KIF13B: variants seen among roughly 807,000 people sequenced by gnomAD.
KIF13B encodes the protein kinesin-like protein KIF13B.
In KIF13B, 127 loss-of-function variants were observed where a neutral mutation model predicts 222.0. That is an observed-to-expected ratio of 0.57 (90% CI 0.50 to 0.66). The LOEUF (loss-of-function observed/expected upper bound fraction) is 0.66, where lower values mean the gene tolerates loss of function less well. Among genes scored for constraint, KIF13B ranks in the 30% least tolerant of loss-of-function variants. The probability of loss-of-function intolerance (pLI) is 0.00; values close to 1 mark genes in which losing one functional copy is unlikely to be tolerated. For missense variants in KIF13B, 2,173 were observed against 2,379.0 expected (o/e 0.91, Z 1.80); for synonymous variants, 976 against 919.0 (o/e 1.06, Z -1.12).
intron 2 of KIF13B, among the ~76,000 whole-genome samples, chr8:29,202,769 A>AG (rs1813753445): frequency 6.6e-6 from 1 of 152,138 alleles, no homozygotes; most frequent in African/African-American, 2.4e-5. Flanking sequence ...CAATAAGAAA[A>AG]GGAGCAGTGA....
intron 38 of KIF13B, 45 bp downstream of exon 38, chr8:29,075,236 T>C: frequency 6.6e-7 from 1 of 1,509,120 alleles, no homozygotes; most frequent in South Asian, 1.2e-5. Flanking sequence ...CAGGGCCACC[T>C]GCTCGCTGTA....
chr8:29,147,484 C>T lies in KIF13B; in HGVS notation c.1932G>A (p.Leu644=), dbSNP rs747917323. Residue 644 remains leucine (L), a synonymous_variant, in exon 17 of 40, where the codon CTG becomes CTA. Transcript: ENST00000524189. ...EHELEQLRRR[L]SPEKQNCRSM... is the part of the protein sequence containing the mutation. ...TCCGGCAGTTCTGCTTCTCAGGAGA[C>T]AGCCTTCTCCGGAGCTGCTCCAATT... 6 of 1,613,348 alleles carry T rather than the reference C, an allele frequency of 3.7e-6. No homozygotes were observed. The highest frequency in any genetic ancestry group is 5.1e-6 in the Non-Finnish European group (6 of 1,179,712).
intron 13 of KIF13B, among the ~76,000 whole-genome samples, chr8:29,156,777 T>A (rs1444476052): frequency 6.6e-6 from 1 of 150,964 alleles, no homozygotes; most frequent in Non-Finnish European, 1.5e-5. Context: ...CACTTCACCC[T>A]CCTGAAGTAC....
chr8:29,142,765 G>C (rs958163724), intron 18 of KIF13B, among the ~76,000 whole-genome samples: 1 of 152,126 alleles, frequency 6.6e-6, no homozygotes, highest in Non-Finnish European at 1.5e-5. Context: ...CTTGAACCCA[G>C]GAGGCAGAGG....
At chr8:29,186,265 A>T (rs1158229370) in intron 6 of KIF13B, 27 bp downstream of exon 6, 1 of 1,571,644 alleles carries the variant, frequency 6.4e-7, no homozygotes, top group South Asian at 1.2e-5. Flanking sequence ...CACAATGCTG[A>T]AACACTAAAG....
At chr8:29,260,734 A>C (rs1010128885) in intron 1 of KIF13B, among the ~76,000 whole-genome samples, 1 of 151,872 alleles carries the variant, frequency 6.6e-6, no homozygotes, top group Non-Finnish European at 1.5e-5. Context: ...CTCCCGCCTC[A>C]GCCTCCTTAG....
At chr8:29,091,490 A>T (rs1448819255) in intron 37 of KIF13B, among the ~76,000 whole-genome samples, 1 of 152,246 alleles carries the variant, frequency 6.6e-6, no homozygotes. Context: ...ATCACCACAG[A>T]CAGGCACTTA....
Position 29,071,631 on chromosome 8 carries a change from T to C in KIF13B, c.5207A>G (p.Asp1736Gly). Reference sequence around the variant, plus strand: ...TGCCCGGTACCCACCTGAGGGCAGGTCGAGCTCCACGCCGACCCACGTGCC... The same window carrying C: ...TGCCCGGTACCCACCTGAGGGCAGGCCGAGCTCCACGCCGACCCACGTGCC... ...QEGTWVGVELDLPSGKNDGSI... is the reference protein window; with the variant it reads ...QEGTWVGVELGLPSGKNDGSI... Residue 1736 changes from aspartate to glycine, a missense_variant, in exon 39 of 40, where the codon GAC (aspartate) becomes GGC (glycine). Physicochemically the swap from Asp to Gly is moderately conservative, Grantham distance 94. Transcript: ENST00000524189. The surrounding 1 kb of genome is among the most constrained non-coding windows in gnomAD (Gnocchi z 4.9). 6.4e-7 allele frequency: 1 copy of C among 1,552,392 alleles called. No homozygotes were observed. Among genetic ancestry groups the C allele is most frequent in the Non-Finnish European group, 8.7e-7 (1 of 1,148,770 alleles).
intron 2 of KIF13B, among the ~76,000 whole-genome samples, chr8:29,221,366 A>T (rs1208568633): frequency 2.7e-5 from 4 of 149,516 alleles, no homozygotes; most frequent in African/African-American, 9.8e-5. Context: ...GCCTCCCAAA[A>T]TGCTGGGATT....
rs369825531 is a variant in KIF13B at position 29,259,391 on chromosome 8, C to G, written c.55+3589G>C. Among the ~76,000 whole-genome samples, 6 of 152,166 alleles carry G rather than the reference C, an allele frequency of 3.9e-5. No individual in the cohort carries two copies. In the East Asian group the frequency reaches 1.2e-3, roughly 29 times the overall value. ...TCACTGTTTCTATCTTCATTTCTTT[C>G]GTTTCCCGGTTCTACCCCCTTAGGC... On this transcript the variant is annotated intron_variant, in intron 1 of 39. Coordinates refer to ENST00000524189, the MANE Select transcript of KIF13B (RefSeq NM_015254.4).
intron 2 of KIF13B, among the ~76,000 whole-genome samples, chr8:29,209,251 G>A (rs919835791): frequency 2.0e-5 from 3 of 152,152 alleles, no homozygotes; most frequent in Non-Finnish European, 2.9e-5. Context: ...AGGCGCCATG[G>A]GCAGTCGTAC....
intron 35 of KIF13B, 116 bp from the exon 36 acceptor site, chr8:29,099,357 T>C (rs946426520): frequency 1.0e-5 from 7 of 690,338 alleles, no homozygotes; most frequent in Middle Eastern, 2.9e-4. Context: ...CCTTTGAATA[T>C]AAGCTTGATT....
chr8:29,256,936 G>T (rs978090652), intron 1 of KIF13B, among the ~76,000 whole-genome samples: 1 of 152,042 alleles, frequency 6.6e-6, no homozygotes, highest in African/African-American at 2.4e-5. Flanking sequence ...TGTATTTTTA[G>T]TAGAGACAGG....
chr8:29,116,297 G>A (rs996748452), intron 31 of KIF13B, among the ~76,000 whole-genome samples: 1 of 152,104 alleles, frequency 6.6e-6, no homozygotes, highest in Non-Finnish European at 1.5e-5. Context: ...GCGAGACCCC[G>A]TCTCCATAAG....
At position 29,223,209 on chromosome 8, in the gene KIF13B, C is replaced by T. The variant is rs111254603; in HGVS notation, c.149+22137G>A. On this transcript the variant is annotated intron_variant, in intron 2 of 39. Coordinates refer to ENST00000524189, the MANE Select transcript of KIF13B (RefSeq NM_015254.4). ...AAAAAAACTTAGCCAGGCATGGTGG[C>T]GCTCAAGTCCCAGCTGCTTTGGGGG... 3.1e-3 allele frequency among the ~76,000 whole-genome samples: 458 copies of T among 148,684 alleles called. 4 individuals are homozygous for T. Among genetic ancestry groups the T allele is most frequent in the African/African-American group, 0.01 (424 of 40,522 alleles).
At position 29,186,444 on chromosome 8, in the gene KIF13B, G is replaced by A; in HGVS notation, c.345C>T (p.Gly115=). 1 of 1,611,050 alleles carries A rather than the reference G, an allele frequency of 6.2e-7. No homozygotes were observed. The highest frequency in any genetic ancestry group is 1.1e-5 in the South Asian group (1 of 90,170). Residue 115 remains glycine (G), a synonymous_variant, in exon 6 of 40, where the codon GGC becomes GGT. Coordinates refer to ENST00000524189, the MANE Select transcript of KIF13B (RefSeq NM_015254.4). ...TGSGKSYTMM[G]TADQPGLIPR... ...GGATTAATCCAGGTTGGTCAGCTGT[G>A]CCCATCATGGTATAAGATTTTCCAG...
At chr8:29,192,562 T>C (rs1463362) in intron 3 of KIF13B, among the ~76,000 whole-genome samples, 91,306 of 152,094 alleles carry the variant, frequency 0.6, 30,025 homozygotes, top group Non-Finnish European at 0.75. Context: ...AATTTGTTTT[T>C]GAGTTTGATT....
chr8:29,083,778 A>T (rs1455314864), intron 37 of KIF13B, among the ~76,000 whole-genome samples: 1 of 152,186 alleles, frequency 6.6e-6, no homozygotes, highest in Non-Finnish European at 1.5e-5. Context: ...AGAACAAGTG[A>T]AATACAGCAC....
rs548628719 is a variant in KIF13B at position 29,252,813 on chromosome 8, C to T, written c.56-7374G>A. Among the ~76,000 whole-genome samples the T allele has an allele frequency of 2.6e-5, 4 of 152,246 alleles. No individual in the cohort carries two copies. In the South Asian group the frequency reaches 8.3e-4, roughly 32 times the overall value. On this transcript the variant is annotated intron_variant, in intron 1 of 39. Coordinates refer to ENST00000524189, the MANE Select transcript of KIF13B (RefSeq NM_015254.4). ...ACTACTTTGTTCTATTTATAAGTTACTTGGGACCCCCTTTTTTATTGAGAT... is the reference window on the plus strand; with the variant it reads ...ACTACTTTGTTCTATTTATAAGTTATTTGGGACCCCCTTTTTTATTGAGAT...
Sources: gnomAD v4.1 joint callset for allele counts (sites outside exome capture counted in the v4.1 genomes callset) on GRCh38, gnomAD v4.1.1 for gene constraint, Gnocchi (gnomAD v3.1) non-coding constraint, MANE v1.5 for transcripts, NCBI Gene and HGNC (gene_info 2026-07-23, HGNC 2026-07-21) for gene names.